The following SMIM31 variants were observed in gnomAD, a reference collection of about 807,000 sequenced individuals.
SMIM31 encodes human epithelial cell program regulator.
chr4:164,790,182 C>T (rs561436081), intron 2 of SMIM31, among the ~76,000 whole-genome samples: 2 of 152,274 alleles, frequency 1.3e-5, no homozygotes, highest in East Asian at 3.9e-4. Flanking sequence ...AAAATCCTAA[C>T]TTTAAAAACT....
At chr4:164,764,374 C>A (rs7654530) in intron 1 of SMIM31, among the ~76,000 whole-genome samples, 71,331 of 151,710 alleles carry the variant, frequency 0.47, 17,589 homozygotes, top group Admixed American at 0.55. Flanking sequence ...CAAGACCATC[C>A]TGGCCAACAT....
chr4:164,801,288 A>AG lies in SMIM31; in HGVS notation c.*95dup, dbSNP rs1416934054. 1 of 397,246 alleles carries AG rather than the reference A, an allele frequency of 2.5e-6. No individual in the cohort carries two copies. Among genetic ancestry groups the AG allele is most frequent in the Non-Finnish European group, 4.4e-6 (1 of 225,252 alleles). 24.6% of individuals were successfully genotyped at this position (397,246 alleles called of 1,614,324 possible). On this transcript the variant is annotated 3_prime_UTR_variant, in exon 3 of 3. Coordinates refer to ENST00000507311, the MANE Select transcript of SMIM31 (RefSeq NM_001352885.1). ...GTTACACAAGAGGAGGGGATAATGA[A>AG]GAAAGTTAAAATCACTTACTGATTA... is the stretch of plus-strand genomic sequence containing the variant.
At chr4:164,797,792 T>C (rs577896578) in intron 2 of SMIM31, among the ~76,000 whole-genome samples, 3 of 152,120 alleles carry the variant, frequency 2.0e-5, no homozygotes, top group Admixed American at 6.6e-5. Flanking sequence ...ATGCATATAC[T>C]GCACAGTGGT....
At chr4:164,776,329 G>A (rs1395678691) in intron 2 of SMIM31, among the ~76,000 whole-genome samples, 1 of 152,108 alleles carries the variant, frequency 6.6e-6, no homozygotes, top group Non-Finnish European at 1.5e-5. Flanking sequence ...ATGAACTAGA[G>A]TTCCATGATT....
intron 2 of SMIM31, among the ~76,000 whole-genome samples, chr4:164,791,443 C>T (rs565983516): frequency 6.6e-6 from 1 of 152,232 alleles, no homozygotes; most frequent in African/African-American, 2.4e-5. Flanking sequence ...AGCCATCCTC[C>T]CACCTCAGCA....
intron 2 of SMIM31, among the ~76,000 whole-genome samples, chr4:164,792,888 TC>T (rs1346222339): frequency 6.6e-6 from 1 of 152,094 alleles, no homozygotes; most frequent in East Asian, 1.9e-4. Flanking sequence ...GCCACAGTAA[TC>T]AATACAGTGT....
chr4:164,758,835 T>A lies in SMIM31; in HGVS notation c.-26+4424T>A, dbSNP rs1451580703. On this transcript the variant is annotated intron_variant, in intron 1 of 2. Transcript: ENST00000507311. Reference sequence around the variant, plus strand: ...TTTTTTTTTTTTTTTTTTTTTTTTTTTTTTTTGTATTTTTAGTAGAGACTG... The same window carrying A: ...TTTTTTTTTTTTTTTTTTTTTTTTTATTTTTTGTATTTTTAGTAGAGACTG... Among the ~76,000 whole-genome samples the A allele has an allele frequency of 1.3e-3, 83 of 63,312 alleles. 1 individual carries two copies. Among genetic ancestry groups the A allele is most frequent in the African/African-American group, 4.2e-3 (80 of 19,252 alleles). 41.5% of individuals were successfully genotyped at this position (63,312 alleles called of 152,430 possible). A position where few individuals can be genotyped will look rare whatever the true frequency, so the allele number is the denominator to read the frequency against.
intron 1 of SMIM31, among the ~76,000 whole-genome samples, chr4:164,758,622 C>CTTTTTTTTTTT (rs779023276): frequency 1.9e-5 from 2 of 105,386 alleles, no homozygotes; most frequent in African/African-American, 3.2e-5. Flanking sequence ...TGTAGTTTTC[C>CTTTTTTTTTTT]TTTTTTTGTT....
At chr4:164,788,472 ATTTTTCTTTTTTTTTT>A (rs1733055828) in intron 2 of SMIM31, among the ~76,000 whole-genome samples, 2 of 60,506 alleles carry the variant, frequency 3.3e-5, no homozygotes, top group Non-Finnish European at 7.1e-5. Context: ...CTTTCTTCTA[ATTTTTCTTTTTTTTTT>A]TTTTTTTTTT....
In SMIM31 at chr4:164,772,736, G is replaced by A. The variant is rs906028571; in HGVS notation, c.112+2181G>A. Among the ~76,000 whole-genome samples, 50 of 151,606 alleles carry A rather than the reference G, an allele frequency of 3.3e-4. 1 individual carries two copies. The highest frequency in any genetic ancestry group is 9.7e-4 in the African/African-American group (40 of 41,420). On this transcript the variant is annotated intron_variant, in intron 2 of 2. Transcript: ENST00000507311. ...TGGGACTACAGGCGCCCGCCACCAC[G>A]CCCGGCTAATTTTTTGTATTTTTAG...
intron 2 of SMIM31, among the ~76,000 whole-genome samples, chr4:164,792,053 T>C (rs1165743375): frequency 6.6e-6 from 1 of 152,234 alleles, no homozygotes; most frequent in Admixed American, 6.5e-5. Flanking sequence ...TAGCTATTCA[T>C]TAATCAGTGC....
intron 2 of SMIM31, among the ~76,000 whole-genome samples, chr4:164,793,278 C>T (rs1018143625): frequency 6.6e-6 from 1 of 152,158 alleles, no homozygotes; most frequent in Non-Finnish European, 1.5e-5. Flanking sequence ...ATCTGGGTGA[C>T]GGAATCATTT....
At chr4:164,800,567 T>C (rs1169236273) in intron 2 of SMIM31, among the ~76,000 whole-genome samples, 2 of 152,152 alleles carry the variant, frequency 1.3e-5, no homozygotes, top group Non-Finnish European at 2.9e-5. Context: ...TATGTTGATA[T>C]CTCACACAGT....
rs1035206437 is a variant in SMIM31, at chr4:164,801,626, C to A, written c.*432C>A. On this transcript the variant is annotated 3_prime_UTR_variant, in exon 3 of 3. Coordinates refer to ENST00000507311, the MANE Select transcript of SMIM31 (RefSeq NM_001352885.1). ...AATGATAATGAAAAGCTATAAGTAA[C>A]TGTGTTATTGCTTCCGTATCTGAAA... 6.6e-6 allele frequency: 1 copy of A among 152,574 alleles called. No homozygotes were observed. The highest frequency in any genetic ancestry group is 1.5e-5 in the Non-Finnish European group (1 of 68,398). The allele number at this position is 152,574 out of a possible 1,614,324, so 9.5% of individuals were successfully genotyped here.
At chr4:164,780,342 G>A in intron 2 of SMIM31, among the ~76,000 whole-genome samples, 1 of 152,186 alleles carries the variant, frequency 6.6e-6, no homozygotes, top group East Asian at 1.9e-4. Flanking sequence ...CAGGAGAACT[G>A]CTTGAACTCG....
intron 2 of SMIM31, among the ~76,000 whole-genome samples, chr4:164,794,715 G>C (rs1341405445): frequency 6.6e-6 from 1 of 151,962 alleles, no homozygotes; most frequent in Non-Finnish European, 1.5e-5. Flanking sequence ...TGAGGCAGGA[G>C]AGTCGCTTGA....
chr4:164,788,001 GGTTCA>G (rs1263869040), intron 2 of SMIM31, among the ~76,000 whole-genome samples: 1 of 151,898 alleles, frequency 6.6e-6, no homozygotes, highest in Non-Finnish European at 1.5e-5. Context: ...TCAGCTCTTC[GGTTCA>G]GTACTTTTCA....
At position 164,770,538 on chromosome 4, in the gene SMIM31, C is replaced by T. The variant is rs142332599; in HGVS notation, c.95C>T (p.Pro32Leu). The change falls in exon 2 of 3, where the codon CCG (proline) becomes CTG (leucine). Residue 32 changes from proline (P) to leucine (L), a missense_variant. Physicochemically the swap from Pro to Leu is moderately conservative, Grantham distance 98. Transcript: ENST00000507311. ...LFTLASIYTT[P>L]DDSNEEEEHE... The stretch of plus-strand genomic sequence containing the variant: ...ACCCTGGCTTCCATCTACACTACTC[C>T]GGATGACAGTAATGAAGGTAAAAGA... 1.0e-5 allele frequency: 4 copies of T among 398,886 alleles called. No individual in the cohort carries two copies. Among genetic ancestry groups the T allele is most frequent in the African/African-American group, 2.1e-5 (1 of 48,700 alleles). 24.7% of individuals were successfully genotyped at this position (398,886 alleles called of 1,614,324 possible). A position where few individuals can be genotyped will look rare whatever the true frequency, so the allele number is the denominator to read the frequency against.
Position 164,769,852 on chromosome 4 carries a change from A to G in SMIM31, c.-25-567A>G, listed in dbSNP as rs545805197. Among the ~76,000 whole-genome samples, 3 of 152,138 alleles carry G rather than the reference A, an allele frequency of 2.0e-5. No individual in the cohort carries two copies. The East Asian group carries it at 5.8e-4, about 29-fold the overall frequency. Reference sequence around the variant, plus strand: ...TGATTGGCTGGTTGGTTGGTTGGTTAGTTGGTTAGTCGAGTGTCAGTATAG... The same window carrying G: ...TGATTGGCTGGTTGGTTGGTTGGTTGGTTGGTTAGTCGAGTGTCAGTATAG... On this transcript the variant is annotated intron_variant, in intron 1 of 2. Coordinates refer to ENST00000507311, the MANE Select transcript of SMIM31 (RefSeq NM_001352885.1).
Sources: gnomAD v4.1 joint callset for allele counts (sites outside exome capture counted in the v4.1 genomes callset) on GRCh38, gnomAD v4.1.1 for gene constraint, MANE v1.5 for transcripts, NCBI Gene and HGNC (gene_info 2026-07-23, HGNC 2026-07-21) for gene names.